The following UNC5A variants were observed in gnomAD, a reference collection of about 807,000 sequenced individuals.
UNC5A encodes unc-5 netrin receptor A.
A neutral mutation model predicts 87.4 loss-of-function variants in UNC5A; 20 were observed. The ratio of observed to expected loss-of-function variants is 0.23; its 90% CI spans 0.16 to 0.33. The LOEUF is 0.33. UNC5A is among the 10% of genes least tolerant of loss of function. The pLI is 1.00. For synonymous variants in UNC5A, 438 were observed against 482.3 expected (o/e 0.91, Z 1.20); for missense variants, 844 against 1,133.4 (o/e 0.74, Z 3.67).
At position 176,862,752 on chromosome 5, in the gene UNC5A, G is replaced by A; in HGVS notation, c.199G>A (p.Ala67Thr). Residue 67 changes from alanine to threonine, a missense_variant, in exon 2 of 15, where the codon GCC becomes ACC. By Grantham distance (58) the Ala-to-Thr change is moderately conservative. Around this residue, in one of 3 missense-constraint regions of UNC5A, gnomAD observed 314 missense variants for 466.5 expected, o/e 0.67. Coordinates refer to ENST00000329542, the MANE Select transcript of UNC5A (RefSeq NM_133369.3). The stretch of plus-strand genomic sequence containing the variant: ...CAAGCCAGTGCTGCTTGTGTGCAAG[G>A]CCGTGCCCGCCACGCAGATCTTCTT... ...KNKPVLLVCK[A>T]VPATQIFFKC... 1 of 1,613,574 alleles carries A rather than the reference G, an allele frequency of 6.2e-7. No individual in the cohort carries two copies. The highest frequency in any genetic ancestry group is 8.5e-7 in the Non-Finnish European group (1 of 1,179,964).
intron 1 of UNC5A, among the ~76,000 whole-genome samples, chr5:176,849,570 G>A (rs180777853): frequency 4.9e-4 from 75 of 152,218 alleles, no homozygotes; most frequent in African/African-American, 1.7e-3. Context: ...GGGCAACTGC[G>A]TCTCAAAAAA....
At chr5:176,858,768 A>AAGGC (rs1554098976) in intron 1 of UNC5A, among the ~76,000 whole-genome samples, 20 of 135,780 alleles carry the variant, frequency 1.5e-4, no homozygotes, top group South Asian at 2.5e-4. Flanking sequence ...GGAAGGAAGG[A>AAGGC]AGGAAGGCAA....
intron 1 of UNC5A, among the ~76,000 whole-genome samples, chr5:176,835,893 A>C (rs1436209810): frequency 2.6e-5 from 4 of 152,238 alleles, no homozygotes; most frequent in Non-Finnish European, 5.9e-5. Flanking sequence ...ATGAAACAAA[A>C]GGCCTGGATG....
At position 176,870,424 on chromosome 5, in the gene UNC5A, C is replaced by T. The variant is rs976757125; in HGVS notation, c.776C>T (p.Thr259Ile). Reference sequence around the variant, plus strand: ...TGGTCGGCCTGTGGGCTGGACTGCACCCACTGGCGGAGCCGTGAGTGCTCT... The same window carrying T: ...TGGTCGGCCTGTGGGCTGGACTGCATCCACTGGCGGAGCCGTGAGTGCTCT... The part of the protein sequence containing the change: ...SKWSACGLDC[T>I]HWRSRECSDP... Residue 259 changes from threonine to isoleucine, a missense_variant, in exon 6 of 15, where the codon ACC becomes ATC. This residue lies in a region of UNC5A where 314 missense variants were observed against 466.5 expected (regional missense o/e 0.67). Coordinates refer to ENST00000329542, the MANE Select transcript of UNC5A (RefSeq NM_133369.3). 1.2e-6 allele frequency: 2 copies of T among 1,612,252 alleles called. No homozygotes were observed. Among genetic ancestry groups the T allele is most frequent in the Non-Finnish European group, 1.7e-6 (2 of 1,179,568 alleles).
intron 1 of UNC5A, among the ~76,000 whole-genome samples, chr5:176,835,197 G>A (rs1421858747): frequency 6.6e-6 from 1 of 152,278 alleles, no homozygotes; most frequent in Non-Finnish European, 1.5e-5. Context: ...GGGCTGGCTT[G>A]TACACCTGGA....
chr5:176,820,550 G>A (rs527551436), intron 1 of UNC5A, among the ~76,000 whole-genome samples: 6 of 152,286 alleles, frequency 3.9e-5, no homozygotes, highest in South Asian at 2.1e-4. Context: ...ATCCAGACAC[G>A]CCATGTTTCT....
rs938128252 is a variant in UNC5A, at chr5:176,844,971, G to A, written c.71-17653G>A. Among the ~76,000 whole-genome samples the A allele has an allele frequency of 6.6e-6, 1 of 152,224 alleles. No homozygotes were observed. The highest frequency in any genetic ancestry group is 1.5e-5 in the Non-Finnish European group (1 of 68,034). On this transcript the variant is annotated intron_variant, in intron 1 of 14. Coordinates refer to ENST00000329542, the MANE Select transcript of UNC5A (RefSeq NM_133369.3). The surrounding 1 kb of genome is among the most constrained non-coding windows in gnomAD (Gnocchi z 4.2). ...AAAAGCCCCACCTTATCAGAGGGCG[G>A]TGGTCTTGCCCTCCCCTGAGAGTGA...
At chr5:176,842,053 C>T (rs1428383830) in intron 1 of UNC5A, among the ~76,000 whole-genome samples, 2 of 152,196 alleles carry the variant, frequency 1.3e-5, no homozygotes, top group East Asian at 1.9e-4. Context: ...AAAAATTAGC[C>T]GGGCGCGGTG....
At position 176,879,366 on chromosome 5, in the gene UNC5A, G is replaced by C. The variant is rs149662235; in HGVS notation, c.2241G>C (p.Leu747=). ...ALESEAGVPA[L]VGPSAFKIPF... ...AGAGTGAAGCGGGGGTCCCAGCCCT[G>C]GTGGGCCCCAGTGCCTTCAAGATCC... Residue 747 remains leucine (L), a synonymous_variant, in exon 14 of 15, where the codon CTG becomes CTC. Coordinates refer to ENST00000329542, the MANE Select transcript of UNC5A (RefSeq NM_133369.3). The C allele has an allele frequency of 1.3e-5, 21 of 1,612,822 alleles. No homozygotes were observed. The African/African-American group carries it at 2.1e-4, about 16-fold the overall frequency.
At chr5:176,877,864 C>A in intron 10 of UNC5A, 30 bp from the exon 11 acceptor site, 2 of 1,576,978 alleles carry the variant, frequency 1.3e-6, no homozygotes, top group Non-Finnish European at 1.7e-6. Flanking sequence ...TGAGGCTGGG[C>A]CGAATTGACC....
At chr5:176,837,821 G>T (rs148961717) in intron 1 of UNC5A, among the ~76,000 whole-genome samples, 1,636 of 151,460 alleles carry the variant, frequency 0.011, 18 homozygotes, top group Non-Finnish European at 0.014. Context: ...GGTCCTGGAC[G>T]TGGCACGCTT....
At chr5:176,827,645 C>T (rs1398785362) in intron 1 of UNC5A, among the ~76,000 whole-genome samples, 1 of 152,132 alleles carries the variant, frequency 6.6e-6, no homozygotes, top group Admixed American at 6.5e-5. Context: ...GACCTGTTTT[C>T]AGTTCTGTTG....
At chr5:176,826,238 C>T (rs1176118153) in intron 1 of UNC5A, among the ~76,000 whole-genome samples, 1 of 152,220 alleles carries the variant, frequency 6.6e-6, no homozygotes, top group Non-Finnish European at 1.5e-5. Context: ...TGCTACAGCA[C>T]AAGCCCAGGC....
chr5:176,820,740 G>T (rs553756343), intron 1 of UNC5A, among the ~76,000 whole-genome samples: 1 of 152,340 alleles, frequency 6.6e-6, no homozygotes, highest in South Asian at 2.1e-4. Context: ...TCATTGGGCT[G>T]TGGCACCTCC....
Position 176,879,426 on chromosome 5 carries a change from GGA to G in UNC5A, c.2302_2303del (p.Asp768ProfsTer4). The part of the protein sequence containing the change: ...LIRQKIISSL[D>X]PPCRRGADWR... Reference sequence around the variant, plus strand: ...TTCGGCAGAAGATAATTTCCAGCCTGGACCCACCCTGTAGGCGGGGTGCCGAC... The same window carrying G: ...TTCGGCAGAAGATAATTTCCAGCCTGCCCACCCTGTAGGCGGGGTGCCGAC... On this transcript the variant is annotated frameshift_variant, in exon 14 of 15. Transcript: ENST00000329542. LOFTEE classifies it high-confidence loss of function. 4 of 1,612,820 alleles carry G rather than the reference GGA, an allele frequency of 2.5e-6. No individual in the cohort carries two copies. Among genetic ancestry groups the G allele is most frequent in the Non-Finnish European group, 3.4e-6 (4 of 1,179,868 alleles).
In UNC5A at chr5:176,844,163, A is replaced by T. The variant is rs901746529; in HGVS notation, c.71-18461A>T. ...GCTTTTTGAATAAAAGCTGTGACTA[A>T]ACTCAGGTCCATGCTGATTGTAGCG... On this transcript the variant is annotated intron_variant, in intron 1 of 14. Transcript: ENST00000329542. This position sits in a 1 kb window ranked among gnomAD's most constrained non-coding sequence, Gnocchi z 4.2. Among the ~76,000 whole-genome samples the T allele has an allele frequency of 6.6e-6, 1 of 152,156 alleles. No individual in the cohort carries two copies. Among genetic ancestry groups the T allele is most frequent in the African/African-American group, 2.4e-5 (1 of 41,418 alleles).
At chr5:176,846,594 C>T (rs1024860962) in intron 1 of UNC5A, among the ~76,000 whole-genome samples, 1 of 152,162 alleles carries the variant, frequency 6.6e-6, no homozygotes, top group African/African-American at 2.4e-5. Context: ...GCCACCAGCC[C>T]TTGTCTGACT....
At chr5:176,829,328 TATGGATGGATGGATGGATGG>T (rs546614651) in intron 1 of UNC5A, among the ~76,000 whole-genome samples, 2 of 93,354 alleles carry the variant, frequency 2.1e-5, no homozygotes, top group East Asian at 3.4e-4. Flanking sequence ...ATGTATGAAA[TATGGATGGATGGATGGATGG>T]ATGGATGGAT....
chr5:176,871,938 C>T (rs1449905538), intron 6 of UNC5A, among the ~76,000 whole-genome samples: 1 of 14,654 alleles, frequency 6.8e-5, no homozygotes, highest in Non-Finnish European at 1.8e-4. Context: ...TGCCCACACT[C>T]GCCCCAACAC....
Sources: gnomAD v4.1 joint callset for allele counts (sites outside exome capture counted in the v4.1 genomes callset) on GRCh38, gnomAD v4.1.1 for gene constraint, gnomAD v4.1.1 regional missense constraint, Gnocchi (gnomAD v3.1) non-coding constraint, MANE v1.5 for transcripts, NCBI Gene and HGNC (gene_info 2026-07-23, HGNC 2026-07-21) for gene names.